The following PDLIM5 variants were observed in gnomAD, a reference collection of about 807,000 sequenced individuals.
The protein encoded by PDLIM5 is PDZ and LIM domain protein 5.
PDLIM5 carries 34 observed loss-of-function variants against 64.2 expected under a neutral mutation model. That is an observed-to-expected ratio of 0.53 (90% confidence interval 0.40 to 0.71). The LOEUF is 0.71. Among genes scored for constraint, PDLIM5 ranks in the 30% least tolerant of loss-of-function variants. The pLI, the probability that PDLIM5 is intolerant of heterozygous loss-of-function variation, is 0.00. For synonymous variants in PDLIM5, 253 were observed against 269.1 expected, an observed-to-expected ratio of 0.94 and a Z score of 0.59; for missense variants, 683 against 733.6, an observed-to-expected ratio of 0.93 and a Z score of 0.80.
intron 3 of PDLIM5, among the ~76,000 whole-genome samples, chr4:94,528,131 A>G (rs1472945307): frequency 6.6e-6 from 1 of 152,080 alleles, no homozygotes; most frequent in African/African-American, 2.4e-5. Flanking sequence ...TAGGTTTCTC[A>G]CCATCCTTCT....
chr4:94,483,211 T>G (rs1423114958), intron 2 of PDLIM5, among the ~76,000 whole-genome samples: 2 of 152,144 alleles, frequency 1.3e-5, no homozygotes, highest in Non-Finnish European at 2.9e-5. Context: ...AGTTTCAAAA[T>G]AAGAGACTTG....
chr4:94,488,828 G>T (rs1270609698), intron 2 of PDLIM5, among the ~76,000 whole-genome samples: 3 of 152,124 alleles, frequency 2.0e-5, no homozygotes, highest in Non-Finnish European at 4.4e-5. Context: ...TTGTTTATTG[G>T]ACTGTTTTAG....
intron 3 of PDLIM5, among the ~76,000 whole-genome samples, chr4:94,525,278 G>C (rs1305100080): frequency 2.0e-5 from 3 of 152,064 alleles, no homozygotes; most frequent in African/African-American, 7.2e-5. Context: ...AATTAGATGG[G>C]TGTGGTGGTG....
At chr4:94,585,038 A>G in intron 5 of PDLIM5, 1 of 1,108,018 alleles carries the variant, frequency 9.0e-7, no homozygotes, top group Non-Finnish European at 1.3e-6. Context: ...TAATAGCATT[A>G]TTTTATATTA....
chr4:94,456,204 A>G, intron 2 of PDLIM5: 1 of 454,528 alleles, frequency 2.2e-6, no homozygotes, highest in Non-Finnish European at 3.8e-6. Flanking sequence ...TATTATACAC[A>G]CAGTTTTTTT....
chr4:94,539,803 C>T (rs938513904), intron 3 of PDLIM5, among the ~76,000 whole-genome samples: 5 of 152,104 alleles, frequency 3.3e-5, no homozygotes, highest in African/African-American at 4.8e-5. Flanking sequence ...CAAAGGTGCA[C>T]TCAGTTCTGA....
Position 94,587,576 on chromosome 4 carries a change from T to C in PDLIM5, c.920+1132T>C, listed in dbSNP as rs191195682. On this transcript the variant is annotated intron_variant, in intron 7 of 12. Coordinates refer to ENST00000317968, the MANE Select transcript of PDLIM5 (RefSeq NM_006457.5). ...ATAAGTAAATATAAGGAGGCAAGAA[T>C]AAACAAAGACTTTATTAAAGAAGAG... is the stretch of plus-strand genomic sequence containing the variant. 397 of 958,924 alleles carry C rather than the reference T, an allele frequency of 4.1e-4. No homozygotes were observed. The African/African-American group carries it at 6.5e-3, about 16-fold the overall frequency. The allele number at this position is 958,924 out of a possible 1,614,324, so 59.4% of individuals were successfully genotyped here.
chr4:94,619,352 CTTTTT>C (rs5860369), intron 8 of PDLIM5, among the ~76,000 whole-genome samples: 1 of 143,574 alleles, frequency 7.0e-6, no homozygotes, highest in African/African-American at 2.6e-5. Context: ...TCTTTTTTTT[CTTTTT>C]TTTTTTTCCA....
chr4:94,623,914 A>T (rs762771371), intron 8 of PDLIM5, among the ~76,000 whole-genome samples: 1 of 152,242 alleles, frequency 6.6e-6, no homozygotes, highest in Non-Finnish European at 1.5e-5. Flanking sequence ...CAGAATTAAG[A>T]TCGTGAACAT....
intron 7 of PDLIM5, among the ~76,000 whole-genome samples, chr4:94,588,731 G>T (rs888841755): frequency 6.6e-6 from 1 of 152,050 alleles, no homozygotes; most frequent in Non-Finnish European, 1.5e-5. Flanking sequence ...TGAAATTACC[G>T]CTGAAGGACC....
chr4:94,581,984 C>T (rs1276165466), intron 5 of PDLIM5, among the ~76,000 whole-genome samples: 1 of 152,138 alleles, frequency 6.6e-6, no homozygotes, highest in Non-Finnish European at 1.5e-5. Context: ...TCTGAAGTTA[C>T]TGGAACTTGC....
chr4:94,571,601 A>G (rs1734807010), intron 3 of PDLIM5, among the ~76,000 whole-genome samples: 1 of 152,188 alleles, frequency 6.6e-6, no homozygotes, highest in Non-Finnish European at 1.5e-5. Flanking sequence ...CTGTTATCCC[A>G]TTGTATATTT....
intron 3 of PDLIM5, among the ~76,000 whole-genome samples, chr4:94,538,051 A>C (rs1731465463): frequency 6.6e-6 from 1 of 152,160 alleles, no homozygotes; most frequent in Non-Finnish European, 1.5e-5. Flanking sequence ...ATGCCGTGGA[A>C]ACTTCTAGCA....
intron 1 of PDLIM5, among the ~76,000 whole-genome samples, chr4:94,454,424 C>T (rs1415339151): frequency 1.3e-5 from 2 of 151,730 alleles, no homozygotes; most frequent in African/African-American, 2.4e-5. Flanking sequence ...AAGAAAGCAC[C>T]GAAGCACTGG....
At chr4:94,513,162 T>C (rs1382797905) in intron 2 of PDLIM5, among the ~76,000 whole-genome samples, 1 of 152,188 alleles carries the variant, frequency 6.6e-6, no homozygotes, top group Admixed American at 6.5e-5. Flanking sequence ...AATAAGGTAA[T>C]GTGATTCCTC....
At chr4:94,543,809 TG>T (rs1732057784) in intron 3 of PDLIM5, among the ~76,000 whole-genome samples, 1 of 150,350 alleles carries the variant, frequency 6.7e-6, no homozygotes, top group African/African-American at 2.5e-5. Context: ...TGTGTGTGTG[TG>T]TGTGTGTGTG....
chr4:94,557,289 T>C (rs973897775), intron 3 of PDLIM5, among the ~76,000 whole-genome samples: 2 of 152,230 alleles, frequency 1.3e-5, no homozygotes, highest in African/African-American at 4.8e-5. Context: ...ACCAGTACCA[T>C]GCTGTTTTGG....
intron 3 of PDLIM5, among the ~76,000 whole-genome samples, chr4:94,560,410 C>T (rs1349682813): frequency 6.6e-6 from 1 of 152,022 alleles, no homozygotes; most frequent in Non-Finnish European, 1.5e-5. Flanking sequence ...CTCATTATTC[C>T]CATACTCTCC....
chr4:94,492,284 T>A (rs936372121), intron 2 of PDLIM5, among the ~76,000 whole-genome samples: 21 of 151,836 alleles, frequency 1.4e-4, no homozygotes, highest in Non-Finnish European at 2.5e-4. Context: ...GAATTATACT[T>A]CCTCTCTTTT....
Sources: allele counts gnomAD v4.1 joint callset (sites outside exome capture counted in the v4.1 genomes callset), GRCh38; gene constraint gnomAD v4.1.1; transcripts MANE v1.5; gene names NCBI Gene and HGNC (gene_info 2026-07-23, HGNC 2026-07-21).